Variants in PLPBP observed in about 807,000 individuals in gnomAD.
The protein encoded by PLPBP is pyridoxal phosphate binding protein, also known as pyridoxal phosphate homeostasis protein.
PLPBP carries 21 observed loss-of-function variants against 31.2 expected under a neutral mutation model. The observed-to-expected ratio is 0.67, with a 90% CI of 0.48 to 0.97. The LOEUF (loss-of-function observed/expected upper bound fraction) is 0.97. PLPBP is among the 50% of genes least tolerant of loss of function. PLPBP has a pLI of 0.00. For missense variants in PLPBP, 308 were observed against 354.4 expected (o/e 0.87, Z 1.05); for synonymous variants, 124 against 135.6 (o/e 0.91, Z 0.59).
At chr8:37,768,649 A>G (rs1327212656) in intron 4 of PLPBP, among the ~76,000 whole-genome samples, 1 of 151,122 alleles carries the variant, frequency 6.6e-6, no homozygotes, top group Non-Finnish European at 1.5e-5. Flanking sequence ...ATGTTTTTGT[A>G]TTTTTAGTAG....
chr8:37,767,046 CA>C (rs377103424), intron 4 of PLPBP, among the ~76,000 whole-genome samples: 2,358 of 57,228 alleles, frequency 0.041, 15 homozygotes, highest in African/African-American at 0.15. Context: ...GACTTCATCC[CA>C]AAAAAAAAAA....
At chr8:37,772,673 C>T (rs1803803109) in intron 4 of PLPBP, 82 bp from the exon 5 acceptor site, 2 of 1,523,180 alleles carry the variant, frequency 1.3e-6, no homozygotes, top group Non-Finnish European at 1.8e-6. Flanking sequence ...ATTTTTTCCT[C>T]TAACAAGTCA....
At chr8:37,765,828 T>C (rs1803612539) in intron 3 of PLPBP, 82 bp downstream of exon 3, 4 of 1,483,132 alleles carry the variant, frequency 2.7e-6, no homozygotes, top group Middle Eastern at 2.0e-4. Flanking sequence ...GGTGGTTGAG[T>C]TGTACAGCAG....
chr8:37,762,581 G>GC (rs1385524955), upstream of PLPBP: 5 of 1,514,636 alleles, frequency 3.3e-6, no homozygotes, highest in Non-Finnish European at 4.4e-6. Flanking sequence ...GGTTCACACG[G>GC]CGCAAGCTGG....
intron 4 of PLPBP, among the ~76,000 whole-genome samples, chr8:37,768,100 C>T (rs1230568615): frequency 6.6e-6 from 1 of 152,084 alleles, no homozygotes; most frequent in Non-Finnish European, 1.5e-5. Flanking sequence ...CCACCATGCC[C>T]GGCCTATTGA....
chr8:37,772,402 T>C (rs1210423276), intron 4 of PLPBP, among the ~76,000 whole-genome samples: 1 of 152,246 alleles, frequency 6.6e-6, no homozygotes, highest in African/African-American at 2.4e-5. Context: ...CTGGTCATCC[T>C]TTCTTCATTG....
At chr8:37,762,989 G>GA (rs1803521886) in intron 1 of PLPBP, among the ~76,000 whole-genome samples, 1 of 152,212 alleles carries the variant, frequency 6.6e-6, no homozygotes, top group Non-Finnish European at 1.5e-5. Context: ...GCTACCTCGG[G>GA]AAAATGACTT....
rs542387842 is a variant in PLPBP, at chr8:37,777,906, G to C, written c.697-67G>C. On this transcript the variant is annotated intron_variant, in intron 7 of 7. Coordinates refer to ENST00000328195, the MANE Select transcript of PLPBP (RefSeq NM_007198.4). Reference sequence around the variant, plus strand: ...TCTTGAGAGCCAGAATGGGGGCACAGCTTCAGCACTGGCTCCATTTTATTA... The same window carrying C: ...TCTTGAGAGCCAGAATGGGGGCACACCTTCAGCACTGGCTCCATTTTATTA... The C allele has an allele frequency of 1.4e-5, 21 of 1,525,384 alleles. No homozygotes were observed. The South Asian group carries it at 2.4e-4, about 17-fold the overall frequency. The allele number at this position is 1,525,384 out of a possible 1,614,324, so 94.5% of individuals were successfully genotyped here.
upstream of PLPBP, chr8:37,762,626 C>T (rs530968989): frequency 3.9e-6 from 6 of 1,548,326 alleles, no homozygotes; most frequent in East Asian, 4.7e-5. Flanking sequence ...CACGGGCTGC[C>T]GGGGGCCTGG....
At chr8:37,765,791 T>C in intron 3 of PLPBP, 45 bp downstream of exon 3, 1 of 1,595,612 alleles carries the variant, frequency 6.3e-7, no homozygotes, top group Non-Finnish European at 8.5e-7. Flanking sequence ...AAATCTTGGC[T>C]CTTTAGTTGA....
intron 4 of PLPBP, among the ~76,000 whole-genome samples, chr8:37,768,402 C>T (rs896341815): frequency 6.9e-6 from 1 of 145,628 alleles, no homozygotes; most frequent in Non-Finnish European, 1.5e-5. Context: ...GCTTATAAGT[C>T]AACAAAGGAG....
intron 1 of PLPBP, among the ~76,000 whole-genome samples, chr8:37,763,424 T>G (rs1338665944): frequency 2.6e-5 from 4 of 152,212 alleles, no homozygotes; most frequent in African/African-American, 9.6e-5. Context: ...GAGACGGACC[T>G]TAACAGAGAG....
chr8:37,767,657 G>A (rs974696842), intron 4 of PLPBP, among the ~76,000 whole-genome samples: 1 of 152,046 alleles, frequency 6.6e-6, no homozygotes, highest in Non-Finnish European at 1.5e-5. Flanking sequence ...TTGTGTACGA[G>A]CCTTTGTATG....
At chr8:37,775,803 C>T in intron 6 of PLPBP, 115 bp from the exon 7 acceptor site, 1 of 1,115,570 alleles carries the variant, frequency 9.0e-7, no homozygotes, top group Admixed American at 2.1e-5. Flanking sequence ...GCAATTTTGG[C>T]AGGCCTTGAA....
chr8:37,762,635 G>C, upstream of PLPBP: 3 of 1,555,536 alleles, frequency 1.9e-6, no homozygotes, highest in Non-Finnish European at 1.7e-6. Context: ...CCGGGGGCCT[G>C]GGGCTCGGCG....
At chr8:37,765,943 G>A (rs115968089) in intron 3 of PLPBP, among the ~76,000 whole-genome samples, 197 bp downstream of exon 3, 5 of 152,046 alleles carry the variant, frequency 3.3e-5, no homozygotes, top group Admixed American at 2.0e-4. Flanking sequence ...TCAGACTGTC[G>A]TTTTCTCATT....
chr8:37,768,479 T>C (rs1803692513), intron 4 of PLPBP, among the ~76,000 whole-genome samples: 1 of 143,572 alleles, frequency 7.0e-6, no homozygotes, highest in South Asian at 2.3e-4. Context: ...TTTTTTTTTT[T>C]TTTTTTTTTT....
At chr8:37,777,544 G>A (rs113764334) in intron 7 of PLPBP, among the ~76,000 whole-genome samples, 1 of 151,998 alleles carries the variant, frequency 6.6e-6, no homozygotes, top group Non-Finnish European at 1.5e-5. Context: ...CTTCAGCTGT[G>A]TTATTATTCA....
Position 37,765,738 on chromosome 8 carries a change from A to G in PLPBP, c.235A>G (p.Asn79Asp), listed in dbSNP as rs770126447. The change falls in exon 3 of 8, where the codon AAT becomes GAT. Residue 79 changes from asparagine (N) to aspartate (D), a missense_variant. Physicochemically the swap from Asn to Asp is conservative, Grantham distance 23. Coordinates refer to ENST00000328195, the MANE Select transcript of PLPBP (RefSeq NM_007198.4). Reference sequence around the variant, plus strand: ...TCAGGAACTGCTAGAAAAAGCATCAAATCCCAAAGTAAGTAGATAGCTGAA... The same window carrying G: ...TCAGGAACTGCTAGAAAAAGCATCAGATCCCAAAGTAAGTAGATAGCTGAA... ...YVQELLEKAS[N>D]PKILSLCPEI... 2 of 1,611,778 alleles carry G rather than the reference A, an allele frequency of 1.2e-6. No individual in the cohort carries two copies. The highest frequency in any genetic ancestry group is 2.2e-5 in the South Asian group (2 of 90,548).
Sources: allele counts gnomAD v4.1 joint callset (sites outside exome capture counted in the v4.1 genomes callset), GRCh38; gene constraint gnomAD v4.1.1; transcripts MANE v1.5; gene names NCBI Gene and HGNC (gene_info 2026-07-23, HGNC 2026-07-21).